The following TREM1 variants were observed in gnomAD, a reference collection of about 807,000 sequenced individuals.
TREM1 encodes triggering receptor expressed on myeloid cells 1.
A neutral mutation model predicts 22.4 loss-of-function variants in TREM1; 16 were observed. The observed-to-expected ratio is 0.71, with a 90% CI of 0.48 to 1.08. The LOEUF (loss-of-function observed/expected upper bound fraction) is 1.08, where lower values mean the gene tolerates loss of function less well. Ranked by LOEUF, TREM1 falls within the 50% of genes least tolerant of loss-of-function variation. The pLI, the probability that TREM1 is intolerant of heterozygous loss-of-function variation, is 0.00. For missense variants in TREM1, 283 were observed against 282.9 expected (o/e 1.00, Z 0.00); for synonymous variants, 110 against 111.6 (o/e 0.99, Z 0.09).
At chr6:41,268,151 G>C in intron 3 of TREM1, 1 of 398,250 alleles carries the variant, frequency 2.5e-6, no homozygotes. Context: ...AGGCAAGGAC[G>C]TTTCACTTGG....
At chr6:41,280,933 CA>C in intron 3 of TREM1, 27 bp downstream of exon 3, 1 of 1,614,118 alleles carries the variant, frequency 6.2e-7, no homozygotes, top group Non-Finnish European at 8.5e-7. Context: ...GTGTCCAAAC[CA>C]GGGGCCCAGG....
chr6:41,279,166 C>T (rs1260068671), intron 3 of TREM1, among the ~76,000 whole-genome samples: 1 of 152,162 alleles, frequency 6.6e-6, no homozygotes, highest in African/African-American at 2.4e-5. Context: ...CCACAGAGGG[C>T]GCCAATTCAC....
downstream of TREM1, among the ~76,000 whole-genome samples, chr6:41,271,120 A>G (rs558843327): frequency 6.6e-6 from 1 of 152,228 alleles, no homozygotes; most frequent in Admixed American, 6.5e-5. Flanking sequence ...AGGGCAGTCA[A>G]CCTGAACAGT....
downstream of TREM1, among the ~76,000 whole-genome samples, chr6:41,270,468 T>TATATTATATATATATATATATATATATA (rs1561913335): frequency 0.052 from 294 of 5,698 alleles, 10 homozygotes; most frequent in South Asian, 0.33. Context: ...TATATATATA[T>TATATTATATATATATATATATATATATA]ATATATATAT....
At chr6:41,276,256 T>C in intron 3 of TREM1, 26 bp from the exon 4 acceptor site, 1 of 1,568,220 alleles carries the variant, frequency 6.4e-7, no homozygotes, top group Non-Finnish European at 8.8e-7. Flanking sequence ...GGCTGAACGC[T>C]ACTGCTGGCA....
chr6:41,285,878 C>T (rs1012492646), intron 1 of TREM1, among the ~76,000 whole-genome samples: 2 of 152,224 alleles, frequency 1.3e-5, no homozygotes, highest in Non-Finnish European at 2.9e-5. Flanking sequence ...ATACCTCTCC[C>T]TGATTTTTCA....
intron 3 of TREM1, among the ~76,000 whole-genome samples, chr6:41,277,045 T>C (rs1295734887): frequency 6.8e-6 from 1 of 147,966 alleles, no homozygotes; most frequent in African/African-American, 2.5e-5. Context: ...GAATAAATCT[T>C]CCCCCGGACT....
rs1222465131 is a variant in TREM1, at chr6:41,275,640, C to T, written c.*485G>A. On this transcript the variant is annotated 3_prime_UTR_variant, in exon 4 of 4. Coordinates refer to ENST00000244709, the MANE Select transcript of TREM1 (RefSeq NM_018643.5). The stretch of plus-strand genomic sequence containing the variant: ...CCTTTTCTGGGAGTGTTGGAAAGAA[C>T]CACACATAAGCATGAAACCCAAGTG... 1 of 154,222 alleles carries T rather than the reference C, an allele frequency of 6.5e-6. No individual in the cohort carries two copies. The highest frequency in any genetic ancestry group is 1.4e-5 in the Non-Finnish European group (1 of 69,290). The allele number at this position is 154,222 out of a possible 1,614,324, so 9.6% of individuals were successfully genotyped here. A position where few individuals can be genotyped will look rare whatever the true frequency, so the allele number is the denominator to read the frequency against.
At chr6:41,283,636 C>T (rs369393529) in intron 1 of TREM1, among the ~76,000 whole-genome samples, 25 of 152,058 alleles carry the variant, frequency 1.6e-4, no homozygotes, top group Middle Eastern at 3.4e-3. Context: ...CACTTGAACC[C>T]GGGAGGTGGA....
At position 41,276,201 on chromosome 6, in the gene TREM1, A is replaced by G. The variant is rs1394848392; in HGVS notation, c.629T>C (p.Leu210Pro). 1.2e-6 allele frequency: 2 copies of G among 1,614,042 alleles called. No homozygotes were observed. Among genetic ancestry groups the G allele is most frequent in the Admixed American group, 3.3e-5 (2 of 60,002 alleles). Residue 210 changes from leucine (L) to proline (P), a missense_variant, in exon 4 of 4, where the codon CTG (leucine) becomes CCG (proline). By Grantham distance (98) the Leu-to-Pro change is moderately conservative. Coordinates refer to ENST00000244709, the MANE Select transcript of TREM1 (RefSeq NM_018643.5). ...RVPVFNIVIL[L>P]AGGFLSKSLV... is the part of the protein sequence containing the mutation. ...GCTCTTACTCAGGAATCCACCAGCC[A>G]GGAGAATGACAATGTTGAACACCGG...
rs1390562451 is a variant in TREM1, at chr6:41,282,596, A to G, written c.205T>C (p.Cys69Arg). ...RDGEMPKTLA[C>R]TERPSKNSHP... ...GAATTCTTTGAAGGCCTCTCTGTGC[A>G]TGCCAGGGTCTTGGGCATCTCTCCG... is the stretch of plus-strand genomic sequence containing the variant. The change falls in exon 2 of 4, where the codon TGC becomes CGC. Residue 69 changes from cysteine (C) to arginine (R), a missense_variant. Physicochemically the swap from Cys to Arg is radical, Grantham distance 180. Transcript: ENST00000244709. 3 of 1,614,228 alleles carry G rather than the reference A, an allele frequency of 1.9e-6. No individual in the cohort carries two copies. The highest frequency in any genetic ancestry group is 2.5e-6 in the Non-Finnish European group (3 of 1,180,046).
chr6:41,271,018 T>C (rs1392441935), downstream of TREM1, among the ~76,000 whole-genome samples: 3 of 152,160 alleles, frequency 2.0e-5, no homozygotes, highest in Admixed American at 1.3e-4. Flanking sequence ...ACACAGCTCT[T>C]TGTATTAGCT....
In TREM1 at chr6:41,274,568, C is replaced by T. The variant is rs1345415197; in HGVS notation, c.*1557G>A. Among the ~76,000 whole-genome samples the T allele has an allele frequency of 6.6e-6, 1 of 152,096 alleles. No homozygotes were observed. Among genetic ancestry groups the T allele is most frequent in the East Asian group, 1.9e-4 (1 of 5,188 alleles). ...GTTCTTTTAGGTAGGAAAATAAATGCACCAAGATTAACAGCTTCTGGATCT... is the reference window on the plus strand; with the variant it reads ...GTTCTTTTAGGTAGGAAAATAAATGTACCAAGATTAACAGCTTCTGGATCT... On this transcript the variant is annotated 3_prime_UTR_variant, in exon 4 of 4. Transcript: ENST00000244709.
At chr6:41,280,835 A>G (rs1481973945) in intron 3 of TREM1, 126 bp downstream of exon 3, 8 of 1,531,654 alleles carry the variant, frequency 5.2e-6, no homozygotes, top group Non-Finnish European at 6.2e-6. Flanking sequence ...ACCCAGACTA[A>G]TGTGACTCAA....
chr6:41,285,312 T>A (rs1471431889), intron 1 of TREM1, among the ~76,000 whole-genome samples: 2 of 152,194 alleles, frequency 1.3e-5, no homozygotes, highest in African/African-American at 4.8e-5. Flanking sequence ...TATTAAGTAT[T>A]ATGTGCTAAG....
At chr6:41,267,798 C>T, downstream of TREM1, 1 of 394,890 alleles carries the variant, frequency 2.5e-6, no homozygotes, top group Non-Finnish European at 4.5e-6. Flanking sequence ...TTAAAGTGGG[C>T]CATGAAATAA....
At position 41,282,899 on chromosome 6, in the gene TREM1, C is replaced by T. The variant is rs543985479; in HGVS notation, c.50-148G>A. The T allele has an allele frequency of 8.2e-6, 6 of 731,098 alleles. No homozygotes were observed. In the South Asian group the frequency reaches 1.1e-4, roughly 13 times the overall value. 45.3% of individuals were successfully genotyped at this position (731,098 alleles called of 1,614,324 possible). On this transcript the variant is annotated intron_variant, in intron 1 of 3. Coordinates refer to ENST00000244709, the MANE Select transcript of TREM1 (RefSeq NM_018643.5). ...AGGCCTCCAGAGAAAATACAACTTG[C>T]CCTGCAAGCCAGCACTAGACCTCAG...
intron 3 of TREM1, chr6:41,279,910 A>G: frequency 1.0e-6 from 1 of 976,110 alleles, no homozygotes; most frequent in Non-Finnish European, 1.2e-6. Context: ...AAGAAGAAAA[A>G]TATATCTGCA....
chr6:41,280,174 C>T (rs1767846451), intron 3 of TREM1: 3 of 952,482 alleles, frequency 3.1e-6, no homozygotes, highest in Non-Finnish European at 3.7e-6. Context: ...AGAAAAAAGA[C>T]ATGTTAGACT....
Sources: allele counts gnomAD v4.1 joint callset (sites outside exome capture counted in the v4.1 genomes callset), GRCh38; gene constraint gnomAD v4.1.1; transcripts MANE v1.5; gene names NCBI Gene and HGNC (gene_info 2026-07-23, HGNC 2026-07-21).